The following GRID2 variants were observed in gnomAD, a reference collection of about 807,000 sequenced individuals.
GRID2 encodes the protein glutamate receptor ionotropic, delta-2.
In GRID2, 33 loss-of-function variants were observed where a neutral mutation model predicts 114.8. The ratio of observed to expected loss-of-function variants is 0.29; its 90% CI spans 0.22 to 0.38. The LOEUF is 0.38. Among genes scored for constraint, GRID2 ranks in the 10% least tolerant of loss-of-function variants. The pLI is 1.00. For synonymous variants in GRID2, 505 were observed against 449.9 expected (o/e 1.12, Z -1.55); for missense variants, 1,184 against 1,257.7 (o/e 0.94, Z 0.89).
intron 14 of GRID2, among the ~76,000 whole-genome samples, chr4:93,704,340 G>C (rs532575439): frequency 5.3e-5 from 8 of 152,162 alleles, no homozygotes; most frequent in Admixed American, 1.3e-4. Context: ...TTTTGATGGG[G>C]TTGTTTGTTT....
intron 1 of GRID2, among the ~76,000 whole-genome samples, chr4:92,563,583 G>A (rs1727202707): frequency 6.6e-6 from 1 of 151,918 alleles, no homozygotes; most frequent in Non-Finnish European, 1.5e-5. Flanking sequence ...AACACTTAAT[G>A]CTTTTTTCTT....
At chr4:92,527,683 A>C (rs1331062388) in intron 1 of GRID2, among the ~76,000 whole-genome samples, 2 of 152,060 alleles carry the variant, frequency 1.3e-5, no homozygotes. Context: ...AATTTTTCTC[A>C]CTTAGTGTGT....
At chr4:93,277,458 C>T (rs188717642) in intron 8 of GRID2, among the ~76,000 whole-genome samples, 101 of 151,696 alleles carry the variant, frequency 6.7e-4, no homozygotes, top group African/African-American at 2.4e-3. Flanking sequence ...GGCTTTAAGA[C>T]TTTCCATCGT....
chr4:93,433,847 C>T (rs1236611967), intron 10 of GRID2, among the ~76,000 whole-genome samples: 2 of 152,174 alleles, frequency 1.3e-5, no homozygotes, highest in East Asian at 3.9e-4. Context: ...AATTTCTAGT[C>T]CCTTCATTTT....
At chr4:92,457,771 A>G (rs1721289637) in intron 1 of GRID2, among the ~76,000 whole-genome samples, 1 of 152,168 alleles carries the variant, frequency 6.6e-6, no homozygotes, top group African/African-American at 2.4e-5. Context: ...AAGCATCACA[A>G]GCAGAGAACA....
intron 8 of GRID2, among the ~76,000 whole-genome samples, chr4:93,381,430 A>T (rs999506925): frequency 6.6e-6 from 1 of 152,042 alleles, no homozygotes; most frequent in African/African-American, 2.4e-5. Flanking sequence ...ATAAGGAGAG[A>T]CTTACTTCTG....
intron 2 of GRID2, among the ~76,000 whole-genome samples, chr4:92,675,700 G>A (rs781396993): frequency 9.9e-5 from 15 of 151,602 alleles, no homozygotes; most frequent in African/African-American, 3.4e-4. Flanking sequence ...ACAGGGGTCC[G>A]CCACGACGCC....
At chr4:92,895,755 T>G (rs1356248930) in intron 2 of GRID2, among the ~76,000 whole-genome samples, 3 of 152,142 alleles carry the variant, frequency 2.0e-5, no homozygotes, top group Non-Finnish European at 4.4e-5. Context: ...AAATTTCCTG[T>G]AAAGTCAGTA....
rs191395208 is a variant in GRID2 at position 93,057,011 on chromosome 4, A to G, written c.245-27984A>G. 2.3e-4 allele frequency among the ~76,000 whole-genome samples: 35 copies of G among 152,062 alleles called. No homozygotes were observed. The East Asian group carries it at 6.4e-3, about 28-fold the overall frequency. On this transcript the variant is annotated intron_variant, in intron 2 of 15. Transcript: ENST00000282020. ...AAATCCGAAGTAAAAATGTTTTTCA[A>G]TTTTATAAAATATTGGTAATGAGAA...
chr4:92,942,660 A>G (rs1751250852), intron 2 of GRID2, among the ~76,000 whole-genome samples: 1 of 152,182 alleles, frequency 6.6e-6, no homozygotes, highest in African/African-American at 2.4e-5. Flanking sequence ...GTTGCTTCCT[A>G]GCCTTGACGG....
intron 13 of GRID2, among the ~76,000 whole-genome samples, chr4:93,596,984 A>G (rs1280767592): frequency 2.0e-5 from 3 of 152,240 alleles, no homozygotes; most frequent in Admixed American, 6.5e-5. Context: ...ATGATTTGAT[A>G]AGAAATATAT....
intron 11 of GRID2, among the ~76,000 whole-genome samples, chr4:93,456,719 G>C (rs1723235104): frequency 6.6e-6 from 1 of 152,148 alleles, no homozygotes; most frequent in Non-Finnish European, 1.5e-5. Context: ...ATATTGAAGA[G>C]GAGGATGTTT....
At chr4:93,686,373 A>C (rs1191508713) in intron 14 of GRID2, among the ~76,000 whole-genome samples, 1 of 151,830 alleles carries the variant, frequency 6.6e-6, no homozygotes, top group Non-Finnish European at 1.5e-5. Context: ...CTTCTTTACC[A>C]GTCTTACTGC....
intron 8 of GRID2, chr4:93,318,526 A>G (rs1756913347): frequency 6.6e-6 from 1 of 152,166 alleles, no homozygotes; most frequent in Admixed American, 6.6e-5. Context: ...TGGACTCATT[A>G]AGAGGAGTCT....
chr4:92,569,183 T>C (rs1579597404), intron 1 of GRID2, among the ~76,000 whole-genome samples: 1 of 152,030 alleles, frequency 6.6e-6, no homozygotes, highest in Non-Finnish European at 1.5e-5. Flanking sequence ...CCATGTGTTC[T>C]TATCATTTCA....
At chr4:93,666,081 G>A (rs1158787541) in intron 14 of GRID2, among the ~76,000 whole-genome samples, 1 of 152,056 alleles carries the variant, frequency 6.6e-6, no homozygotes, top group Non-Finnish European at 1.5e-5. Context: ...TTCCCAAAAT[G>A]TCTTGAATGT....
rs189080293 is a variant in GRID2 at position 92,531,924 on chromosome 4, G to A, written c.89-58207G>A. ...CTTATGTTTAGAGCAGCTCATTAAC[G>A]CAGGCCCTACTAGCAAATATCTTTC... On this transcript the variant is annotated intron_variant, in intron 1 of 15. Coordinates refer to ENST00000282020, the MANE Select transcript of GRID2 (RefSeq NM_001510.4). Among the ~76,000 whole-genome samples, 136 of 152,206 alleles carry A rather than the reference G, an allele frequency of 8.9e-4. 1 individual carries two copies. The highest frequency in any genetic ancestry group is 3.1e-3 in the African/African-American group (130 of 41,538).
chr4:93,447,518 G>A (rs1304787620), intron 10 of GRID2, among the ~76,000 whole-genome samples: 1 of 151,846 alleles, frequency 6.6e-6, no homozygotes, highest in African/African-American at 2.4e-5. Flanking sequence ...CAAGCATGAT[G>A]GAACAGTAAG....
At chr4:93,551,614 T>G (rs1391530150) in intron 13 of GRID2, among the ~76,000 whole-genome samples, 1 of 152,210 alleles carries the variant, frequency 6.6e-6, no homozygotes, top group Non-Finnish European at 1.5e-5. Context: ...TAAAACCTCT[T>G]ATCTAAGTTG....
Sources: allele counts gnomAD v4.1 joint callset (sites outside exome capture counted in the v4.1 genomes callset), GRCh38; gene constraint gnomAD v4.1.1; transcripts MANE v1.5; gene names NCBI Gene and HGNC (gene_info 2026-07-23, HGNC 2026-07-21).